The following GGTA1 variants were observed in gnomAD, a reference collection of about 807,000 sequenced individuals.
GGTA1 encodes the protein glycoprotein alpha-galactosyltransferase 1 (inactive).
Under a neutral mutation model 2.6 loss-of-function variants are expected in GGTA1, and 5 were observed. That is an observed-to-expected ratio of 1.92 (90% CI 1.00 to 4.04). The LOEUF is 4.04. Among genes scored for constraint, GGTA1 ranks in the 30% most tolerant of loss-of-function variants. GGTA1 has a pLI of 0.00. For missense variants in GGTA1, 50 were observed against 16.7 expected (o/e 2.99, Z -3.47); for synonymous variants, 17 against 5.0 (o/e 3.38, Z -3.19).
rs535322543 is a variant in GGTA1 at position 121,458,218 on chromosome 9, A to G, written c.298+1886T>C. Reference sequence around the variant, plus strand: ...AGCCAAAAAGGATACATTTATACAAAGTATGTTTATTTGCTCATCCATTCC... The same window carrying G: ...AGCCAAAAAGGATACATTTATACAAGGTATGTTTATTTGCTCATCCATTCC... On this transcript the variant is annotated intron_variant, in intron 5 of 5. Coordinates refer to ENST00000481799, the MANE Select transcript of GGTA1 (RefSeq NM_001382585.1). Among the ~76,000 whole-genome samples, 3 of 152,218 alleles carry G rather than the reference A, an allele frequency of 2.0e-5. No individual in the cohort carries two copies. The East Asian group carries it at 5.8e-4, about 29-fold the overall frequency.
chr9:121,460,069 A>T (rs1289141007), intron 5 of GGTA1, 35 bp downstream of exon 5: 1 of 456,074 alleles, frequency 2.2e-6, no homozygotes, highest in Admixed American at 2.4e-5. Flanking sequence ...AGGGCCATGG[A>T]TTTGCTGCAC....
intron 5 of GGTA1, among the ~76,000 whole-genome samples, chr9:121,458,430 C>T (rs1239329503): frequency 6.6e-6 from 1 of 151,256 alleles, no homozygotes; most frequent in African/African-American, 2.4e-5. Context: ...AGTTCAAGAC[C>T]AGCCTGGGCA....
chr9:121,492,342 C>T (rs1024553998), intron 1 of GGTA1, among the ~76,000 whole-genome samples: 9 of 152,132 alleles, frequency 5.9e-5, no homozygotes, highest in African/African-American at 1.2e-4. Flanking sequence ...GATGGGGAAA[C>T]GGTCCCACAG....
chr9:121,472,293 G>T (rs1828407050), intron 1 of GGTA1, among the ~76,000 whole-genome samples: 1 of 152,176 alleles, frequency 6.6e-6, no homozygotes, highest in Non-Finnish European at 1.5e-5. Flanking sequence ...CAGGGTTTCA[G>T]ATAAGGGATT....
At chr9:121,460,014 T>G in intron 5 of GGTA1, 90 bp downstream of exon 5, 9 of 417,556 alleles carry the variant, frequency 2.2e-5, no homozygotes, top group South Asian at 1.6e-4. Context: ...AAATCAGGAA[T>G]GTTCTCAATG....
Position 121,462,992 on chromosome 9 carries a change from G to A in GGTA1, c.116+301C>T, listed in dbSNP as rs75636613. On this transcript the variant is annotated intron_variant, in intron 3 of 5. Coordinates refer to ENST00000481799, the MANE Select transcript of GGTA1 (RefSeq NM_001382585.1). ...TGGGTCTTTATATAACATTTAAAGG[G>A]CAGAATAATAGACAATATCTCCCCG... 1,227 of 186,474 alleles carry A rather than the reference G, an allele frequency of 6.6e-3. 15 individuals are homozygous for A. The highest frequency in any genetic ancestry group is 0.028 in the African/African-American group (1,164 of 41,682). The allele number at this position is 186,474 out of a possible 1,614,324, so 11.6% of individuals were successfully genotyped here. A position where few individuals can be genotyped will look rare whatever the true frequency, so the allele number is the denominator to read the frequency against.
downstream of GGTA1, among the ~76,000 whole-genome samples, chr9:121,454,474 A>G (rs1188211532): frequency 1.3e-5 from 2 of 152,228 alleles, no homozygotes; most frequent in Admixed American, 6.5e-5. Context: ...CTTCTGAGGT[A>G]GGTGCTATTT....
At chr9:121,447,572 A>G (rs1164372798) in exon 8 of GGTA1, 1 of 152,324 alleles carries the variant, frequency 6.6e-6, no homozygotes, top group Non-Finnish European at 1.5e-5. Flanking sequence ...GATGTTATGA[A>G]CTCCTCCAAG....
At chr9:121,461,072 C>T in intron 4 of GGTA1, among the ~76,000 whole-genome samples, 180 bp downstream of exon 4, 1 of 152,176 alleles carries the variant, frequency 6.6e-6, no homozygotes, top group African/African-American at 2.4e-5. Context: ...GAGACCCTGT[C>T]TCAAAAACAA....
At chr9:121,466,623 A>G (rs2065006776) in intron 2 of GGTA1, among the ~76,000 whole-genome samples, 1 of 152,122 alleles carries the variant, frequency 6.6e-6, no homozygotes, top group Non-Finnish European at 1.5e-5. Context: ...TTAGTAACCA[A>G]GACAGTCCTC....
chr9:121,484,447 C>A (rs1411364253), intron 1 of GGTA1, among the ~76,000 whole-genome samples: 2 of 151,960 alleles, frequency 1.3e-5, no homozygotes, highest in Non-Finnish European at 1.5e-5. Context: ...CCATGCCCAG[C>A]TAATTTTTGT....
intron 1 of GGTA1, among the ~76,000 whole-genome samples, chr9:121,479,508 C>T (rs1388809711): frequency 6.6e-6 from 1 of 152,116 alleles, no homozygotes; most frequent in Non-Finnish European, 1.5e-5. Flanking sequence ...GCGGCCCAGC[C>T]TCCTTGCCAA....
intron 1 of GGTA1, among the ~76,000 whole-genome samples, chr9:121,496,192 T>C (rs2118783372): frequency 6.6e-6 from 1 of 152,362 alleles, no homozygotes; most frequent in South Asian, 2.1e-4. Flanking sequence ...GCTGCAGCCA[T>C]GCTGCATAAC....
downstream of GGTA1, among the ~76,000 whole-genome samples, chr9:121,453,456 G>A (rs1214751227): frequency 9.2e-6 from 1 of 109,264 alleles, no homozygotes; most frequent in African/African-American, 2.9e-5. Flanking sequence ...CAGCATGAGG[G>A]TGAAGCTCCA....
At chr9:121,459,401 G>A (rs561472178) in intron 5 of GGTA1, among the ~76,000 whole-genome samples, 163 of 152,190 alleles carry the variant, frequency 1.1e-3, no homozygotes, top group Non-Finnish European at 2.0e-3. Flanking sequence ...GCACCACTGC[G>A]CTCCAGCCTG....
chr9:121,460,284 G>A, intron 4 of GGTA1, 65 bp from the exon 5 acceptor site: 1 of 453,282 alleles, frequency 2.2e-6, no homozygotes, highest in South Asian at 1.6e-5. Context: ...CAGAGAACTG[G>A]TGAATATCTT....
intron 3 of GGTA1, among the ~76,000 whole-genome samples, chr9:121,461,653 G>A (rs1442565994): frequency 6.6e-6 from 1 of 152,102 alleles, no homozygotes; most frequent in African/African-American, 2.4e-5. Context: ...ACTGTGATAG[G>A]ACATTTTCCC....
chr9:121,450,512 T>C (rs891862294), downstream of GGTA1, among the ~76,000 whole-genome samples: 2 of 152,216 alleles, frequency 1.3e-5, no homozygotes, highest in African/African-American at 4.8e-5. Flanking sequence ...AGTCCTCCCT[T>C]GTCTCAGAGC....
chr9:121,493,021 G>C (rs112383303), intron 1 of GGTA1, among the ~76,000 whole-genome samples: 3,303 of 151,748 alleles, frequency 0.022, 119 homozygotes, highest in African/African-American at 0.073. Flanking sequence ...GCGTGTGCCT[G>C]TACTTGGGAG....
Sources: allele counts gnomAD v4.1 joint callset (sites outside exome capture counted in the v4.1 genomes callset), GRCh38; gene constraint gnomAD v4.1.1; transcripts MANE v1.5; gene names NCBI Gene and HGNC (gene_info 2026-07-23, HGNC 2026-07-21).